RNF180: variants seen among roughly 807,000 people sequenced by gnomAD.
RNF180 encodes ring finger protein 180.
Under a neutral mutation model 59.2 loss-of-function variants are expected in RNF180, and 38 were observed. The observed-to-expected ratio is 0.64, with a 90% CI of 0.50 to 0.84. RNF180 has a LOEUF of 0.84. Among genes scored for constraint, RNF180 ranks in the 40% least tolerant of loss-of-function variants. The pLI, the probability that RNF180 is intolerant of heterozygous loss-of-function variation, is 0.00. For missense variants in RNF180, 705 were observed against 700.9 expected (o/e 1.01, Z -0.07); for synonymous variants, 262 against 240.3 (o/e 1.09, Z -0.84).
At chr5:64,292,551 C>T (rs1742656990) in intron 5 of RNF180, among the ~76,000 whole-genome samples, 1 of 152,168 alleles carries the variant, frequency 6.6e-6, no homozygotes, top group Non-Finnish European at 1.5e-5. Flanking sequence ...CTTGGATGCT[C>T]CTGTAGGAGG....
chr5:64,182,321 C>G (rs1369672151), intron 1 of RNF180, among the ~76,000 whole-genome samples: 1 of 152,116 alleles, frequency 6.6e-6, no homozygotes, highest in Non-Finnish European at 1.5e-5. Context: ...AGAAATTTCA[C>G]AAAATGAATC....
intron 5 of RNF180, among the ~76,000 whole-genome samples, chr5:64,269,970 A>G (rs796715762): frequency 1.3e-5 from 2 of 151,982 alleles, no homozygotes; most frequent in Non-Finnish European, 2.9e-5. Context: ...AGGTCTCCAT[A>G]ATGCCATTCT....
At chr5:64,294,177 A>G (rs1742759764) in intron 5 of RNF180, among the ~76,000 whole-genome samples, 1 of 152,226 alleles carries the variant, frequency 6.6e-6, no homozygotes, top group Non-Finnish European at 1.5e-5. Flanking sequence ...TACATTTAAA[A>G]ATAATTTAAA....
At chr5:64,333,564 A>T (rs1745004334) in intron 7 of RNF180, among the ~76,000 whole-genome samples, 2 of 151,204 alleles carry the variant, frequency 1.3e-5, no homozygotes, top group African/African-American at 4.9e-5. Context: ...AAAGAAAAGT[A>T]AGTTTATTAT....
At position 64,290,046 on chromosome 5, in the gene RNF180, G is replaced by A. The variant is rs188047064; in HGVS notation, c.1228-35140G>A. 7.2e-5 allele frequency among the ~76,000 whole-genome samples: 11 copies of A among 152,092 alleles called. No individual in the cohort carries two copies. The East Asian group carries it at 1.5e-3, about 21-fold the overall frequency. On this transcript the variant is annotated intron_variant, in intron 5 of 7. Transcript: ENST00000389100. ...GTTGTATAATTTTCCCTCTTAACAC[G>A]GCTTTATCTGCACCCTTGAGATTCT...
intron 7 of RNF180, among the ~76,000 whole-genome samples, chr5:64,365,454 A>G (rs766951056): frequency 2.0e-5 from 3 of 151,648 alleles, no homozygotes; most frequent in Non-Finnish European, 4.4e-5. Flanking sequence ...GCCATGTGGC[A>G]ATGACAAGAA....
chr5:64,296,804 A>G (rs762709296), intron 5 of RNF180, among the ~76,000 whole-genome samples: 23 of 152,260 alleles, frequency 1.5e-4, no homozygotes, highest in South Asian at 4.1e-4. Flanking sequence ...CTCTTTTCCA[A>G]GACTTGTACT....
At chr5:64,211,809 G>C (rs1044946676) in intron 2 of RNF180, among the ~76,000 whole-genome samples, 1 of 152,160 alleles carries the variant, frequency 6.6e-6, no homozygotes. Context: ...CTGCTAAATT[G>C]TAAATTTCAT....
At chr5:64,226,961 A>G (rs1218040773) in intron 5 of RNF180, among the ~76,000 whole-genome samples, 2 of 152,206 alleles carry the variant, frequency 1.3e-5, no homozygotes, top group African/African-American at 2.4e-5. Flanking sequence ...TTTAGAAAAC[A>G]TGATTAAAGA....
intron 5 of RNF180, among the ~76,000 whole-genome samples, chr5:64,235,759 TAGTG>T (rs1388164244): frequency 3.9e-5 from 6 of 152,126 alleles, no homozygotes; most frequent in Admixed American, 1.3e-4. Context: ...GTTCTTATGA[TAGTG>T]AGTGAGTTCT....
At position 64,212,127 on chromosome 5, in the gene RNF180, C is replaced by T; in HGVS notation, c.198C>T (p.Ala66=). Residue 66 remains alanine, a synonymous_variant, in exon 3 of 8, where the codon GCC becomes GCT. Coordinates refer to ENST00000389100, the MANE Select transcript of RNF180 (RefSeq NM_001113561.2). ...ICHVWHMNVE[A]LPEWISCLIQ... The stretch of plus-strand genomic sequence containing the variant: ...ATGTGTGGCACATGAATGTAGAAGC[C>T]CTTCCAGAATGGATAAGCTGCCTAA... 3.1e-6 allele frequency: 5 copies of T among 1,605,200 alleles called. No homozygotes were observed. The highest frequency in any genetic ancestry group is 2.2e-5 in the South Asian group (2 of 90,836).
chr5:64,337,010 TTTTTG>T (rs1561269591), intron 7 of RNF180, among the ~76,000 whole-genome samples: 1 of 138,178 alleles, frequency 7.2e-6, no homozygotes, highest in Non-Finnish European at 1.7e-5. Flanking sequence ...TGTTGTTTTT[TTTTTG>T]TTTTTGTTTT....
chr5:64,169,222 C>G (rs1749810793), intron 1 of RNF180, among the ~76,000 whole-genome samples: 1 of 152,166 alleles, frequency 6.6e-6, no homozygotes, highest in African/African-American at 2.4e-5. Flanking sequence ...GGAGCTCCGT[C>G]TAAAACAACG....
chr5:64,259,881 A>G (rs1276304823), intron 5 of RNF180, among the ~76,000 whole-genome samples: 2 of 152,150 alleles, frequency 1.3e-5, no homozygotes, highest in African/African-American at 4.8e-5. Flanking sequence ...AGATCACGCC[A>G]TTGAACTCCA....
intron 1 of RNF180, among the ~76,000 whole-genome samples, chr5:64,174,426 G>A (rs890384042): frequency 6.6e-6 from 1 of 152,140 alleles, no homozygotes; most frequent in African/African-American, 2.4e-5. Flanking sequence ...CCCACCAACA[G>A]TATGTAAGAA....
At chr5:64,259,149 A>T (rs911128086) in intron 5 of RNF180, among the ~76,000 whole-genome samples, 21 of 152,166 alleles carry the variant, frequency 1.4e-4, no homozygotes, top group African/African-American at 5.1e-4. Context: ...CTCTTGAGGA[A>T]CATGCTGTTG....
rs1171637074 is a variant in RNF180 at position 64,234,578 on chromosome 5, C to CTTTTTTTTTTTTTT, written c.1227+17208_1227+17221dup. Among the ~76,000 whole-genome samples the CTTTTTTTTTTTTTT allele has an allele frequency of 1.3e-3, 65 of 48,524 alleles. 20 individuals are homozygous for CTTTTTTTTTTTTTT. The highest frequency in any genetic ancestry group is 1.8e-3 in the Non-Finnish European group (46 of 26,118). 31.8% of individuals were successfully genotyped at this position (48,524 alleles called of 152,430 possible). A position where few individuals can be genotyped will look rare whatever the true frequency, so the allele number is the denominator to read the frequency against. ...GCTTTCCAAATGGCAGTTACCCGTT[C>CTTTTTTTTTTTTTT]TTTTTTTTTTTTTTTTTTTTTTTTT... On this transcript the variant is annotated intron_variant, in intron 5 of 7. Coordinates refer to ENST00000389100, the MANE Select transcript of RNF180 (RefSeq NM_001113561.2).
chr5:64,248,878 G>T (rs2112267342), intron 5 of RNF180, among the ~76,000 whole-genome samples: 1 of 152,256 alleles, frequency 6.6e-6, no homozygotes, highest in South Asian at 2.1e-4. Context: ...TGAAAGACTG[G>T]ATAAAGAAAA....
At chr5:64,307,650 A>G (rs1743544943) in intron 5 of RNF180, among the ~76,000 whole-genome samples, 2 of 151,744 alleles carry the variant, frequency 1.3e-5, no homozygotes, top group African/African-American at 2.4e-5. Context: ...CACCTTACCT[A>G]TCAAACAACA....
Sources: allele counts gnomAD v4.1 joint callset (sites outside exome capture counted in the v4.1 genomes callset), GRCh38; gene constraint gnomAD v4.1.1; transcripts MANE v1.5; gene names NCBI Gene and HGNC (gene_info 2026-07-23, HGNC 2026-07-21).